Variants in RNGTT observed in about 807,000 individuals in gnomAD.
RNGTT encodes the protein RNA guanylyltransferase and 5'-phosphatase.
A neutral mutation model predicts 79.3 loss-of-function variants in RNGTT; 33 were observed. The ratio of observed to expected loss-of-function variants is 0.42; its 90% CI spans 0.32 to 0.56. RNGTT has a LOEUF of 0.56. Among genes scored for constraint, RNGTT ranks in the 20% least tolerant of loss-of-function variants. The pLI, the probability that RNGTT is intolerant of heterozygous loss-of-function variation, is 0.17. For missense variants in RNGTT, 497 were observed against 739.1 expected (o/e 0.67, Z 3.80); for synonymous variants, 222 against 235.9 (o/e 0.94, Z 0.54).
chr6:88,929,538 CAA>C (rs1250914431), intron 2 of RNGTT, among the ~76,000 whole-genome samples: 1 of 152,082 alleles, frequency 6.6e-6, no homozygotes. Flanking sequence ...GCCAACATCA[CAA>C]AAGTCTATGC....
At chr6:88,909,212 G>T (rs947902428) in intron 4 of RNGTT, among the ~76,000 whole-genome samples, 3 of 152,194 alleles carry the variant, frequency 2.0e-5, no homozygotes, top group African/African-American at 7.2e-5. Flanking sequence ...AACTGGGCAC[G>T]CAGGGCTTTT....
At chr6:88,919,542 G>C (rs1308699449) in intron 4 of RNGTT, among the ~76,000 whole-genome samples, 1 of 151,946 alleles carries the variant, frequency 6.6e-6, no homozygotes, top group Non-Finnish European at 1.5e-5. Flanking sequence ...TGCCAAGGCT[G>C]GTCTTGAACT....
intron 4 of RNGTT, among the ~76,000 whole-genome samples, chr6:88,925,745 T>C (rs1296376179): frequency 1.3e-5 from 2 of 152,140 alleles, no homozygotes; most frequent in Non-Finnish European, 2.9e-5. Context: ...AGTGCAGTGG[T>C]GCACGTAGTC....
chr6:88,778,768 A>C (rs73754824), intron 12 of RNGTT, among the ~76,000 whole-genome samples: 3,404 of 152,304 alleles, frequency 0.022, 112 homozygotes, highest in African/African-American at 0.077. Flanking sequence ...TTTTGCTAAG[A>C]AAGAAAAAAT....
intron 13 of RNGTT, among the ~76,000 whole-genome samples, chr6:88,687,891 C>T (rs1775336235): frequency 6.6e-6 from 1 of 152,050 alleles, no homozygotes; most frequent in Admixed American, 6.6e-5. Flanking sequence ...ATGAGAGTAT[C>T]TTTTTATACA....
At chr6:88,638,478 A>G (rs1773182890) in intron 14 of RNGTT, among the ~76,000 whole-genome samples, 2 of 152,132 alleles carry the variant, frequency 1.3e-5, no homozygotes. Context: ...AAATCCATTA[A>G]TTAGCTTTTA....
At chr6:88,946,394 GCCTC>G (rs1457364904) in intron 1 of RNGTT, among the ~76,000 whole-genome samples, 24 of 151,288 alleles carry the variant, frequency 1.6e-4, no homozygotes, top group African/African-American at 5.6e-4. Context: ...CTCTCCTGGA[GCCTC>G]CCTATTTCCT....
intron 13 of RNGTT, among the ~76,000 whole-genome samples, chr6:88,749,670 C>A (rs992404752): frequency 1.1e-4 from 17 of 152,106 alleles, no homozygotes; most frequent in African/African-American, 3.9e-4. Flanking sequence ...AAATGCTGTT[C>A]ACAAGAGATC....
At chr6:88,822,941 A>G (rs1470074755) in intron 11 of RNGTT, among the ~76,000 whole-genome samples, 1 of 152,176 alleles carries the variant, frequency 6.6e-6, no homozygotes, top group African/African-American at 2.4e-5. Context: ...TTAATTTGAG[A>G]CAGATAATAC....
At chr6:88,722,785 G>A (rs1347621650) in intron 13 of RNGTT, among the ~76,000 whole-genome samples, 1 of 152,088 alleles carries the variant, frequency 6.6e-6, no homozygotes, top group East Asian at 1.9e-4. Flanking sequence ...AACGATATAC[G>A]GTTATCAAAG....
In RNGTT at chr6:88,612,621, A is replaced by G; in HGVS notation, c.*98T>C. On this transcript the variant is annotated 3_prime_UTR_variant, in exon 16 of 16. Coordinates refer to ENST00000369485, the MANE Select transcript of RNGTT (RefSeq NM_003800.5). The stretch of plus-strand genomic sequence containing the variant: ...AAAATTCAAATGTGTATCAACATCA[A>G]GCCACAGTCGTTTTTCAATTTCTCT... The G allele has an allele frequency of 1.5e-6, 2 of 1,304,782 alleles. No homozygotes were observed. The highest frequency in any genetic ancestry group is 2.2e-5 in the Admixed American group (1 of 45,768). 80.8% of individuals were successfully genotyped at this position (1,304,782 alleles called of 1,614,324 possible).
At chr6:88,854,756 TAAC>T (rs1223605609) in intron 8 of RNGTT, among the ~76,000 whole-genome samples, 2 of 152,236 alleles carry the variant, frequency 1.3e-5, no homozygotes, top group African/African-American at 4.8e-5. Flanking sequence ...TTCATACACT[TAAC>T]AACCTGTCAT....
At position 88,883,303 on chromosome 6, in the gene RNGTT, A is replaced by G. The variant is rs143611762; in HGVS notation, c.896+7192T>C. On this transcript the variant is annotated intron_variant, in intron 8 of 15. Coordinates refer to ENST00000369485, the MANE Select transcript of RNGTT (RefSeq NM_003800.5). ...TTAGAACCCTGTGGATCAGAATTAG[A>G]GATACTAGGCCTTCCTTTTGACCTC... is the stretch of plus-strand genomic sequence containing the variant. Among the ~76,000 whole-genome samples, 685 of 152,254 alleles carry G rather than the reference A, an allele frequency of 4.5e-3. 5 individuals carry two copies. Among genetic ancestry groups the G allele is most frequent in the African/African-American group, 0.015 (629 of 41,560 alleles).
chr6:88,819,674 A>C (rs1326851493), intron 11 of RNGTT, among the ~76,000 whole-genome samples: 1 of 152,126 alleles, frequency 6.6e-6, no homozygotes, highest in Admixed American at 6.5e-5. Flanking sequence ...CATGTGGACA[A>C]TCTACTCAGC....
intron 11 of RNGTT, among the ~76,000 whole-genome samples, chr6:88,802,138 T>C (rs1415927243): frequency 6.6e-6 from 1 of 152,106 alleles, no homozygotes; most frequent in African/African-American, 2.4e-5. Flanking sequence ...AAGATTATAG[T>C]CCAAAGCTAC....
At chr6:88,762,377 C>T (rs1778297911) in intron 13 of RNGTT, among the ~76,000 whole-genome samples, 1 of 152,164 alleles carries the variant, frequency 6.6e-6, no homozygotes, top group Admixed American at 6.5e-5. Context: ...AAGGGAAATA[C>T]AAAAATTAGT....
At chr6:88,632,719 G>GA (rs149710132) in intron 14 of RNGTT, among the ~76,000 whole-genome samples, 18,483 of 151,938 alleles carry the variant, frequency 0.12, 1,269 homozygotes, top group Middle Eastern at 0.22. Context: ...AAGTCAGGGG[G>GA]GAAAAAAATC....
intron 13 of RNGTT, among the ~76,000 whole-genome samples, chr6:88,767,327 G>A (rs1026433216): frequency 1.3e-4 from 19 of 151,926 alleles, no homozygotes; most frequent in Admixed American, 9.8e-4. Flanking sequence ...TATTTAAAAC[G>A]TACTATGAAT....
intron 11 of RNGTT, among the ~76,000 whole-genome samples, chr6:88,833,352 T>C (rs547985708): frequency 6.6e-6 from 1 of 152,106 alleles, no homozygotes; most frequent in East Asian, 1.9e-4. Flanking sequence ...CATCTTCAAC[T>C]CATAAGTGGG....
Sources: allele counts gnomAD v4.1 joint callset (sites outside exome capture counted in the v4.1 genomes callset), GRCh38; gene constraint gnomAD v4.1.1; transcripts MANE v1.5; gene names NCBI Gene and HGNC (gene_info 2026-07-23, HGNC 2026-07-21).